Variants in CCDC152 observed in about 807,000 individuals in gnomAD.
CCDC152 encodes the protein coiled-coil domain-containing protein 152.
CCDC152 carries 37 observed loss-of-function variants against 38.1 expected under a neutral mutation model. The observed-to-expected ratio is 0.97, with a 90% CI of 0.75 to 1.28. CCDC152 has a LOEUF of 1.28. Among genes scored for constraint, CCDC152 ranks in the 50% most tolerant of loss-of-function variants. The pLI is 0.00. For missense variants in CCDC152, 259 were observed against 292.1 expected (o/e 0.89, Z 0.83); for synonymous variants, 83 against 87.1 (o/e 0.95, Z 0.26).
intron 5 of CCDC152, among the ~76,000 whole-genome samples, chr5:42,781,270 A>G (rs956957899): frequency 4.6e-5 from 7 of 152,136 alleles, no homozygotes; most frequent in African/African-American, 1.7e-4. Context: ...AGAAAATGGC[A>G]ATTTGTGGGA....
At chr5:42,793,552 A>C (rs536600196) in intron 6 of CCDC152, among the ~76,000 whole-genome samples, 1 of 152,366 alleles carries the variant, frequency 6.6e-6, no homozygotes, top group African/African-American at 2.4e-5. Context: ...ATTATCAGAT[A>C]TATAATTTAC....
At chr5:42,789,873 T>G (rs144577775) in intron 6 of CCDC152, among the ~76,000 whole-genome samples, 38 of 152,200 alleles carry the variant, frequency 2.5e-4, no homozygotes, top group African/African-American at 8.4e-4. Flanking sequence ...ATCTGTAAAA[T>G]TACCAGAAGA....
chr5:42,796,860 A>G lies in CCDC152; in HGVS notation c.462A>G (p.Leu154=), dbSNP rs1483776368. 6.6e-6 allele frequency: 10 copies of G among 1,516,494 alleles called. No individual in the cohort carries two copies. Among genetic ancestry groups the G allele is most frequent in the Non-Finnish European group, 7.9e-6 (9 of 1,133,244 alleles). 93.9% of individuals were successfully genotyped at this position (1,516,494 alleles called of 1,614,324 possible). The stretch of plus-strand genomic sequence containing the variant: ...TAAATGAAGAAAAGCACAAAGAACT[A>G]ATAGAGAAAAAGGAGATGGAAATTT... ...VELNEEKHKE[L]IEKKEMEISE... Residue 154 remains leucine, a synonymous_variant, in exon 7 of 9, where the codon CTA becomes CTG. Coordinates refer to ENST00000361970, the MANE Select transcript of CCDC152 (RefSeq NM_001134848.2).
chr5:42,793,901 G>A (rs997455992), intron 6 of CCDC152, among the ~76,000 whole-genome samples: 2 of 152,158 alleles, frequency 1.3e-5, no homozygotes, highest in Non-Finnish European at 2.9e-5. Context: ...GAGCCACCAA[G>A]CTCAGCTGGA....
chr5:42,779,374 A>G, intron 4 of CCDC152, 84 bp from the exon 5 acceptor site: 5 of 815,714 alleles, frequency 6.1e-6, no homozygotes, highest in South Asian at 6.1e-5. Flanking sequence ...ATGCATACAT[A>G]ATGGAAGCTA....
At chr5:42,778,996 C>G (rs1269765334) in intron 4 of CCDC152, among the ~76,000 whole-genome samples, 1 of 152,116 alleles carries the variant, frequency 6.6e-6, no homozygotes, top group South Asian at 2.1e-4. Flanking sequence ...CAATACCGTA[C>G]GTGAATTGTA....
chr5:42,779,177 G>A (rs1037888920), intron 4 of CCDC152, among the ~76,000 whole-genome samples: 4 of 152,030 alleles, frequency 2.6e-5, no homozygotes, highest in African/African-American at 2.4e-5. Flanking sequence ...CTTTTTACAG[G>A]TTCCTGTAGT....
intron 6 of CCDC152, among the ~76,000 whole-genome samples, chr5:42,794,425 G>A (rs903825060): frequency 3.9e-5 from 6 of 152,164 alleles, no homozygotes; most frequent in African/African-American, 1.4e-4. Flanking sequence ...AGAAGCTGTG[G>A]AACCAAACGT....
At position 42,775,026 on chromosome 5, in the gene CCDC152, A is replaced by AG. The variant is rs1210823140; in HGVS notation, c.263-4432_263-4431insG. Among the ~76,000 whole-genome samples, 11 of 43,266 alleles carry AG rather than the reference A, an allele frequency of 2.5e-4. No individual in the cohort carries two copies. In the East Asian group the frequency reaches 4.4e-3, roughly 17 times the overall value. The allele number at this position is 43,266 out of a possible 152,430, so 28.4% of individuals were successfully genotyped here. On this transcript the variant is annotated intron_variant, in intron 4 of 8. Transcript: ENST00000361970. ...GAAACTTCCGAAACTGAAATTTCAG[A>AG]AAAAAAAAAAAGACTAGGAAAAAAG... is the stretch of plus-strand genomic sequence containing the variant.
At chr5:42,771,672 G>C (rs2111952795) in intron 4 of CCDC152, among the ~76,000 whole-genome samples, 1 of 152,108 alleles carries the variant, frequency 6.6e-6, no homozygotes, top group Middle Eastern at 3.4e-3. Context: ...TAACCTAGAA[G>C]AAATAGTCAA....
intron 6 of CCDC152, among the ~76,000 whole-genome samples, chr5:42,794,581 C>T (rs1423710340): frequency 6.6e-6 from 1 of 152,202 alleles, no homozygotes; most frequent in Non-Finnish European, 1.5e-5. Flanking sequence ...TGAACTGAAA[C>T]ACTGCCCAGC....
At chr5:42,759,395 G>A (rs1170405053) in intron 2 of CCDC152, among the ~76,000 whole-genome samples, 187 bp downstream of exon 2, 1 of 152,138 alleles carries the variant, frequency 6.6e-6, no homozygotes, top group Admixed American at 6.5e-5. Context: ...GGATTCATTT[G>A]TACTAATACA....
intron 6 of CCDC152, among the ~76,000 whole-genome samples, chr5:42,789,172 A>G (rs1291052650): frequency 6.6e-6 from 1 of 152,194 alleles, no homozygotes; most frequent in Non-Finnish European, 1.5e-5. Flanking sequence ...GGAGTGAGGA[A>G]AGACAAGAAG....
intron 2 of CCDC152, among the ~76,000 whole-genome samples, chr5:42,760,091 T>C (rs923327838): frequency 6.6e-6 from 1 of 151,508 alleles, no homozygotes; most frequent in Non-Finnish European, 1.5e-5. Flanking sequence ...GATCACGAGG[T>C]CAGGATATCG....
intron 5 of CCDC152, among the ~76,000 whole-genome samples, chr5:42,783,072 G>A (rs749945123): frequency 1.7e-4 from 26 of 151,840 alleles, no homozygotes; most frequent in Non-Finnish European, 3.4e-4. Context: ...GGGTTTCACC[G>A]TGTTAGCCAG....
In CCDC152 at chr5:42,799,680, G is replaced by T; in HGVS notation, c.664G>T (p.Glu222Ter). 1 of 1,545,914 alleles carries T rather than the reference G, an allele frequency of 6.5e-7. No individual in the cohort carries two copies. ...TTAGAAACTTCAGCATTTTCAAGAA[G>T]AAAAAAACAAGGAGATTGCAATTCT... is the stretch of plus-strand genomic sequence containing the variant. ...YRRKLQHFQE[E>*]KNKEIAILRN... Residue 222 changes from glutamate (E) to a stop codon, truncating the protein, a stop_gained, in exon 9 of 9, where the codon GAA (glutamate) becomes TAA (stop). Transcript: ENST00000361970. LOFTEE classifies it high-confidence loss of function.
intron 2 of CCDC152, among the ~76,000 whole-genome samples, chr5:42,761,977 A>G (rs552285076): frequency 5.3e-5 from 8 of 152,354 alleles, no homozygotes; most frequent in African/African-American, 1.9e-4. Flanking sequence ...GTTCTGAGAA[A>G]TGCATTATTA....
chr5:42,779,337 A>C, intron 4 of CCDC152, 121 bp from the exon 5 acceptor site: 7 of 642,038 alleles, frequency 1.1e-5, no homozygotes, highest in Non-Finnish European at 1.4e-5. Context: ...CCTGAAGTGT[A>C]GCAGCTGCTG....
chr5:42,801,234 T>C lies in CCDC152; in HGVS notation c.*1453T>C. 6.2e-7 allele frequency: 1 copy of C among 1,614,170 alleles called. No individual in the cohort carries two copies. The highest frequency in any genetic ancestry group is 8.5e-7 in the Non-Finnish European group (1 of 1,180,028). Reference sequence around the variant, plus strand: ...GCCAAGGTGCTGATGTCCATGATTGTGATGATGCTCATGATGGTAATGAGG... The same window carrying C: ...GCCAAGGTGCTGATGTCCATGATTGCGATGATGCTCATGATGGTAATGAGG... On this transcript the variant is annotated 3_prime_UTR_variant, in exon 9 of 9. Transcript: ENST00000361970.
Sources: gnomAD v4.1 joint callset for allele counts (sites outside exome capture counted in the v4.1 genomes callset) on GRCh38, gnomAD v4.1.1 for gene constraint, MANE v1.5 for transcripts, NCBI Gene and HGNC (gene_info 2026-07-23, HGNC 2026-07-21) for gene names.